ITGA9: variants seen among roughly 807,000 people sequenced by gnomAD.
The protein encoded by ITGA9 is integrin alpha-9.
In ITGA9, 56 loss-of-function variants were observed where a neutral mutation model predicts 127.8. The ratio of observed to expected loss-of-function variants is 0.44; its 90% CI spans 0.35 to 0.55. The LOEUF (loss-of-function observed/expected upper bound fraction) is 0.55. Ranked by LOEUF, ITGA9 falls within the 20% of genes least tolerant of loss-of-function variation. ITGA9 has a pLI of 0.00. For missense variants in ITGA9, 1,196 were observed against 1,347.1 expected (o/e 0.89, Z 1.76); for synonymous variants, 508 against 514.5 (o/e 0.99, Z 0.17).
chr3:37,467,530 T>C (rs1337181818), intron 1 of ITGA9, among the ~76,000 whole-genome samples: 1 of 152,200 alleles, frequency 6.6e-6, no homozygotes, highest in African/African-American at 2.4e-5. Context: ...TTTGGAGCCA[T>C]GGCATTATCT....
At position 37,736,977 on chromosome 3, in the gene ITGA9, C is replaced by G; in HGVS notation, c.2228C>G (p.Ala743Gly). 1 of 1,606,880 alleles carries G rather than the reference C, an allele frequency of 6.2e-7. No individual in the cohort carries two copies. The change falls in exon 20 of 28, where the codon GCT (alanine) becomes GGT (glycine). Residue 743 changes from alanine (A) to glycine (G), a missense_variant. Transcript: ENST00000264741. ...GAAGTTCTCAGCTTCATTGTTACTG[C>G]TCAGAGGTAAGGGGGGGGTTTAAAC... ...EEEVLSFIVTAQSGNTERSES... is the reference protein window; with the variant it reads ...EEEVLSFIVTGQSGNTERSES...
At chr3:37,463,109 G>A (rs946160859) in intron 1 of ITGA9, among the ~76,000 whole-genome samples, 1 of 152,182 alleles carries the variant, frequency 6.6e-6, no homozygotes, top group Admixed American at 6.5e-5. Flanking sequence ...AGCTAGAGGA[G>A]CCATAGCAAT....
chr3:37,502,541 G>A (rs976245976), intron 5 of ITGA9, among the ~76,000 whole-genome samples: 2 of 152,146 alleles, frequency 1.3e-5, no homozygotes, highest in African/African-American at 2.4e-5. Flanking sequence ...CAGTGATACC[G>A]TCTATTGCTG....
intron 15 of ITGA9, among the ~76,000 whole-genome samples, chr3:37,581,274 G>C (rs1699707196): frequency 6.6e-6 from 1 of 152,214 alleles, no homozygotes; most frequent in South Asian, 2.1e-4. Context: ...CGGAAGCAGT[G>C]ATTCTTGAGA....
At chr3:37,766,648 C>T (rs1411284996) in intron 23 of ITGA9, among the ~76,000 whole-genome samples, 3 of 152,124 alleles carry the variant, frequency 2.0e-5, no homozygotes, top group Admixed American at 6.5e-5. Context: ...TAAGATGGGT[C>T]CAAGAGCTAG....
At chr3:37,505,865 C>T (rs577035919) in intron 6 of ITGA9, 135 bp from the exon 7 acceptor site, 14 of 722,300 alleles carry the variant, frequency 1.9e-5, no homozygotes, top group Non-Finnish European at 3.5e-5. Flanking sequence ...AGGTTGACAG[C>T]TGCCATTTTT....
At chr3:37,625,558 T>C (rs72857237) in intron 15 of ITGA9, among the ~76,000 whole-genome samples, 124 of 152,310 alleles carry the variant, frequency 8.1e-4, no homozygotes, top group Middle Eastern at 3.4e-3. Flanking sequence ...CTTTATTAGA[T>C]GCTTTAGAAC....
intron 18 of ITGA9, among the ~76,000 whole-genome samples, chr3:37,695,162 G>A (rs1408685548): frequency 6.6e-6 from 1 of 152,182 alleles, no homozygotes; most frequent in Non-Finnish European, 1.5e-5. Flanking sequence ...GGCCACTTAG[G>A]GAGGAATAAG....
At chr3:37,563,794 G>T (rs1699519507) in intron 15 of ITGA9, among the ~76,000 whole-genome samples, 1 of 152,132 alleles carries the variant, frequency 6.6e-6, no homozygotes, top group Non-Finnish European at 1.5e-5. Flanking sequence ...GGTGTGGCTT[G>T]GTTTCTCATA....
chr3:37,523,068 C>A (rs768342723), intron 11 of ITGA9, among the ~76,000 whole-genome samples: 1 of 152,150 alleles, frequency 6.6e-6, no homozygotes, highest in Non-Finnish European at 1.5e-5. Context: ...GGGAAAGACT[C>A]TGTAATGTGT....
intron 18 of ITGA9, among the ~76,000 whole-genome samples, chr3:37,713,192 C>T (rs1701097419): frequency 6.6e-6 from 1 of 152,190 alleles, no homozygotes; most frequent in South Asian, 2.1e-4. Flanking sequence ...GACAGAATTT[C>T]TGTCTCTCCT....
At chr3:37,639,087 G>A (rs913575593) in intron 16 of ITGA9, among the ~76,000 whole-genome samples, 5 of 152,234 alleles carry the variant, frequency 3.3e-5, no homozygotes, top group Admixed American at 6.5e-5. Flanking sequence ...ACAAGCCTCC[G>A]TACATACAGC....
intron 17 of ITGA9, among the ~76,000 whole-genome samples, chr3:37,662,759 G>C (rs73070743): frequency 0.035 from 5,363 of 152,278 alleles, 139 homozygotes; most frequent in Non-Finnish European, 0.053. Context: ...TGTTAGCCGT[G>C]ACCTTACTCA....
intron 4 of ITGA9, among the ~76,000 whole-genome samples, chr3:37,490,692 C>T (rs939949072): frequency 2.0e-5 from 3 of 151,960 alleles, no homozygotes; most frequent in African/African-American, 2.4e-5. Flanking sequence ...CATTGAGTTG[C>T]GGATTGTGAA....
At chr3:37,747,723 T>C (rs1272002828) in intron 22 of ITGA9, among the ~76,000 whole-genome samples, 1 of 149,762 alleles carries the variant, frequency 6.7e-6, no homozygotes, top group Non-Finnish European at 1.5e-5. Context: ...TTTCTTTTTT[T>C]TTTTTGTTTT....
At position 37,704,299 on chromosome 3, in the gene ITGA9, CCCCTGGAATG is replaced by C. The variant is rs550949336; in HGVS notation, c.2067+20285_2067+20294del. Among the ~76,000 whole-genome samples the C allele has an allele frequency of 4.0e-3, 607 of 152,274 alleles. 2 individuals are homozygous for C. Among genetic ancestry groups the C allele is most frequent in the Non-Finnish European group, 6.5e-3 (444 of 68,022 alleles). On this transcript the variant is annotated intron_variant, in intron 18 of 27. Transcript: ENST00000264741. ...CACAGACCCAGCTCCCCACCAGCCT[CCCCTGGAATG>C]AGCTTTCCTGAGGTGCCCGCGTGTC...
At chr3:37,714,012 C>T (rs1314567825) in intron 18 of ITGA9, among the ~76,000 whole-genome samples, 1 of 152,242 alleles carries the variant, frequency 6.6e-6, no homozygotes, top group Non-Finnish European at 1.5e-5. Flanking sequence ...GTCAAGGGGA[C>T]AGTGGCTGCA....
At chr3:37,538,835 G>C (rs2125589446) in intron 14 of ITGA9, among the ~76,000 whole-genome samples, 1 of 152,248 alleles carries the variant, frequency 6.6e-6, no homozygotes, top group South Asian at 2.1e-4. Flanking sequence ...ATTTCCTTTG[G>C]GGTAATTTAA....
chr3:37,585,935 C>T (rs567823306), intron 15 of ITGA9, among the ~76,000 whole-genome samples: 6 of 152,296 alleles, frequency 3.9e-5, no homozygotes, highest in Admixed American at 2.0e-4. Context: ...CTGTTTTCAA[C>T]GTGTATCCTG....
Sources: gnomAD v4.1 joint callset for allele counts (sites outside exome capture counted in the v4.1 genomes callset) on GRCh38, gnomAD v4.1.1 for gene constraint, MANE v1.5 for transcripts, NCBI Gene and HGNC (gene_info 2026-07-23, HGNC 2026-07-21) for gene names.